Variants in KDM5A observed in about 807,000 individuals in gnomAD.
The protein encoded by KDM5A is lysine demethylase 5A.
In KDM5A, 42 loss-of-function variants were observed where a neutral mutation model predicts 193.5. That is an observed-to-expected ratio of 0.22 (90% CI 0.17 to 0.28). The LOEUF (loss-of-function observed/expected upper bound fraction) is 0.28, where lower values mean the gene tolerates loss of function less well. Among genes scored for constraint, KDM5A ranks in the 10% least tolerant of loss-of-function variants. The probability of loss-of-function intolerance (pLI) is 1.00; values close to 1 mark genes in which losing one functional copy is unlikely to be tolerated. For missense variants in KDM5A, 1,692 were observed against 2,055.1 expected (o/e 0.82, Z 3.42); for synonymous variants, 796 against 718.1 (o/e 1.11, Z -1.73).
At chr12:360,511 G>A (rs1433650762) in intron 5 of KDM5A, among the ~76,000 whole-genome samples, 2 of 152,108 alleles carry the variant, frequency 1.3e-5, no homozygotes, top group Non-Finnish European at 2.9e-5. Flanking sequence ...TTCAAGGACA[G>A]GAGTCACCAA....
intron 3 of KDM5A, among the ~76,000 whole-genome samples, chr12:372,397 G>C (rs1944440026): frequency 6.6e-6 from 1 of 152,142 alleles, no homozygotes; most frequent in Non-Finnish European, 1.5e-5. Flanking sequence ...TTGGCTCTCT[G>C]TTATTGGTGT....
At chr12:378,327 A>G (rs1322125547) in intron 3 of KDM5A, among the ~76,000 whole-genome samples, 1 of 152,078 alleles carries the variant, frequency 6.6e-6, no homozygotes, top group Non-Finnish European at 1.5e-5. Flanking sequence ...GTGCAATCAG[A>G]GGTCACTGTA....
At chr12:304,446 CTTTT>C (rs67930424) in intron 24 of KDM5A, among the ~76,000 whole-genome samples, 89 of 112,556 alleles carry the variant, frequency 7.9e-4, no homozygotes, top group Middle Eastern at 4.6e-3. Flanking sequence ...AGAGTATAGG[CTTTT>C]TTTTTTTTTT....
In KDM5A at chr12:298,254, ACACCTC is replaced by A. The variant is rs546934593; in HGVS notation, c.4075-1060_4075-1055del. On this transcript the variant is annotated intron_variant, in intron 24 of 27. Transcript: ENST00000399788. ...GGCCCCCGTGCATCCTGACGGGGAG[ACACCTC>A]CCAGCAGGGGTCAACAGACACATCA... Among the ~76,000 whole-genome samples, 11 of 152,294 alleles carry A rather than the reference ACACCTC, an allele frequency of 7.2e-5. No individual in the cohort carries two copies. In the South Asian group the frequency reaches 1.5e-3, roughly 20 times the overall value.
chr12:383,354 A>G (rs1469139190), intron 3 of KDM5A, among the ~76,000 whole-genome samples: 1 of 151,958 alleles, frequency 6.6e-6, no homozygotes, highest in East Asian at 1.9e-4. Flanking sequence ...GGTTGAGACT[A>G]CAGGTGTGCA....
chr12:351,485 G>A (rs1944158508), intron 9 of KDM5A, among the ~76,000 whole-genome samples: 1 of 152,050 alleles, frequency 6.6e-6, no homozygotes, highest in Non-Finnish European at 1.5e-5. Context: ...TTGGTTTCAA[G>A]TCTTTAAAGC....
chr12:362,815 G>A, intron 5 of KDM5A, 148 bp downstream of exon 5: 1 of 694,110 alleles, frequency 1.4e-6, no homozygotes, highest in Non-Finnish European at 2.5e-6. Context: ...TGGCCCATGA[G>A]CCAGGCACAG....
intron 3 of KDM5A, among the ~76,000 whole-genome samples, chr12:377,253 A>G (rs1041700339): frequency 1.3e-5 from 2 of 152,222 alleles, no homozygotes; most frequent in African/African-American, 4.8e-5. Context: ...AAACTAAAGG[A>G]CCAGCCTAAC....
chr12:310,583 G>A (rs754513992), intron 21 of KDM5A, among the ~76,000 whole-genome samples: 1 of 152,068 alleles, frequency 6.6e-6, no homozygotes, highest in Non-Finnish European at 1.5e-5. Context: ...GCAGTGGGCC[G>A]AGACTGCACC....
intron 8 of KDM5A, 127 bp downstream of exon 8, chr12:353,949 T>C: frequency 3.9e-6 from 3 of 763,126 alleles, no homozygotes; most frequent in Non-Finnish European, 6.4e-6. Context: ...CCTGGAAATT[T>C]TAAACACTAC....
rs1943153616 is a variant in KDM5A, at chr12:281,491, G to A, written c.*3965C>T. The A allele has an allele frequency of 4.3e-6, 1 of 232,982 alleles. No individual in the cohort carries two copies. The highest frequency in any genetic ancestry group is 2.2e-5 in the African/African-American group (1 of 45,290). The allele number at this position is 232,982 out of a possible 1,614,324, so 14.4% of individuals were successfully genotyped here. ...CATTCTTCCTCATACTACAGTAGGA[G>A]ATACCACTTGGGACATTCATATCCA... On this transcript the variant is annotated 3_prime_UTR_variant, in exon 28 of 28. Coordinates refer to ENST00000399788, the MANE Select transcript of KDM5A (RefSeq NM_001042603.3).
intron 10 of KDM5A, among the ~76,000 whole-genome samples, chr12:338,883 A>G (rs1943965595): frequency 6.6e-6 from 1 of 152,178 alleles, no homozygotes; most frequent in Non-Finnish European, 1.5e-5. Flanking sequence ...CACTATATTC[A>G]TAAGACACAA....
chr12:351,165 T>G (rs1274977405), intron 9 of KDM5A, among the ~76,000 whole-genome samples: 1 of 152,136 alleles, frequency 6.6e-6, no homozygotes, highest in Non-Finnish European at 1.5e-5. Context: ...TAATTATACT[T>G]TAAGTTCTAC....
chr12:356,909 C>T (rs901698004), intron 5 of KDM5A, among the ~76,000 whole-genome samples: 3 of 152,232 alleles, frequency 2.0e-5, no homozygotes, highest in African/African-American at 7.2e-5. Flanking sequence ...GCCAATCACA[C>T]TAACCTCATT....
intron 1 of KDM5A, chr12:388,250 A>G (rs1266276889): frequency 2.6e-5 from 12 of 455,674 alleles, no homozygotes; most frequent in South Asian, 1.4e-4. Flanking sequence ...GTGAGATTAT[A>G]ATTAACCTTA....
intron 19 of KDM5A, among the ~76,000 whole-genome samples, chr12:315,483 A>C (rs1943641017): frequency 6.6e-6 from 1 of 152,218 alleles, no homozygotes; most frequent in Non-Finnish European, 1.5e-5. Context: ...CTGAGGCACG[A>C]GAATTGCTTG....
At chr12:355,060 G>A (rs1247498289) in intron 7 of KDM5A, 98 bp downstream of exon 7, 3 of 793,068 alleles carry the variant, frequency 3.8e-6, no homozygotes, top group Non-Finnish European at 6.8e-6. Context: ...CTAACCAAAC[G>A]AGCTAACTAA....
In KDM5A at chr12:297,342, A is replaced by C. The variant is rs886731105; in HGVS notation, c.4075-142T>G. 1.0e-5 allele frequency: 8 copies of C among 779,482 alleles called. No homozygotes were observed. In the African/African-American group the frequency reaches 1.4e-4, roughly 14 times the overall value. 48.3% of individuals were successfully genotyped at this position (779,482 alleles called of 1,614,324 possible). A position where few individuals can be genotyped will look rare whatever the true frequency, so the allele number is the denominator to read the frequency against. On this transcript the variant is annotated intron_variant, in intron 24 of 27. Coordinates refer to ENST00000399788, the MANE Select transcript of KDM5A (RefSeq NM_001042603.3). ...AAAATTAAATATCTGATGTTAAATA[A>C]GATAGAAAATGTCCATTGGGGAGAA... is the stretch of plus-strand genomic sequence containing the variant.
At chr12:371,882 C>G (rs549390712) in intron 3 of KDM5A, among the ~76,000 whole-genome samples, 1 of 152,278 alleles carries the variant, frequency 6.6e-6, no homozygotes, top group South Asian at 2.1e-4. Context: ...TTGTTTTTGT[C>G]AGGTTTGTCA....
Sources: allele counts gnomAD v4.1 joint callset (sites outside exome capture counted in the v4.1 genomes callset), GRCh38; gene constraint gnomAD v4.1.1; transcripts MANE v1.5; gene names NCBI Gene and HGNC (gene_info 2026-07-23, HGNC 2026-07-21).